Variants in SCO1 observed in about 807,000 individuals in gnomAD.
SCO1 encodes the protein cytochrome c oxidase assembly factor SCO1.
A neutral mutation model predicts 34.0 loss-of-function variants in SCO1; 23 were observed. The observed-to-expected ratio is 0.68, with a 90% CI of 0.49 to 0.96. SCO1 has a LOEUF of 0.96. SCO1 is among the 40% of genes least tolerant of loss of function. The pLI is 0.00. For missense variants in SCO1, 404 were observed against 381.6 expected (o/e 1.06, Z -0.49); for synonymous variants, 161 against 145.5 (o/e 1.11, Z -0.77).
intron 1 of SCO1, among the ~76,000 whole-genome samples, chr17:10,696,681 A>AG (rs2074730084): frequency 1.3e-5 from 2 of 151,512 alleles, no homozygotes; most frequent in Admixed American, 1.3e-4. Context: ...CAACTAGACT[A>AG]GGCCTAACTC....
rs1044179501 is a variant in SCO1, at chr17:10,673,157, C to A, written c.*7962G>T. 1 of 152,222 alleles carries A rather than the reference C, an allele frequency of 6.6e-6. No individual in the cohort carries two copies. Among genetic ancestry groups the A allele is most frequent in the Non-Finnish European group, 1.5e-5 (1 of 68,146 alleles). The allele number at this position is 152,222 out of a possible 1,614,324, so 9.4% of individuals were successfully genotyped here. A position where few individuals can be genotyped will look rare whatever the true frequency, so the allele number is the denominator to read the frequency against. ...TAGCTGGGACTACAGGCGCCCGCCACCACGTCTAGCTGATTTTTGTAATTT... is the reference window on the plus strand; with the variant it reads ...TAGCTGGGACTACAGGCGCCCGCCAACACGTCTAGCTGATTTTTGTAATTT... On this transcript the variant is annotated 3_prime_UTR_variant, in exon 6 of 6. Transcript: ENST00000255390.
At position 10,672,803 on chromosome 17, in the gene SCO1, T is replaced by C. The variant is rs557591898; in HGVS notation, c.*8316A>G. 6.6e-6 allele frequency: 1 copy of C among 152,350 alleles called. No homozygotes were observed. The highest frequency in any genetic ancestry group is 1.9e-4 in the East Asian group (1 of 5,192). The allele number at this position is 152,350 out of a possible 1,614,324, so 9.4% of individuals were successfully genotyped here. On this transcript the variant is annotated 3_prime_UTR_variant, in exon 6 of 6. Coordinates refer to ENST00000255390, the MANE Select transcript of SCO1 (RefSeq NM_004589.4). ...TTCTTCCCCTGGATCTGAGTCATTATTACATTGATTCTATTTATTATAGAT... is the reference window on the plus strand; with the variant it reads ...TTCTTCCCCTGGATCTGAGTCATTACTACATTGATTCTATTTATTATAGAT...
chr17:10,687,187 C>G (rs1242109337), intron 4 of SCO1, among the ~76,000 whole-genome samples: 2 of 152,090 alleles, frequency 1.3e-5, no homozygotes, highest in Non-Finnish European at 2.9e-5. Context: ...AAATTAAATA[C>G]TATAACTTTT....
intron 4 of SCO1, 99 bp from the exon 5 acceptor site, chr17:10,686,941 A>G (rs1305313746): frequency 3.9e-6 from 3 of 770,574 alleles, no homozygotes; most frequent in Non-Finnish European, 7.0e-6. Flanking sequence ...CTCTACTGCC[A>G]CTTTCTTCCT....
intron 4 of SCO1, among the ~76,000 whole-genome samples, chr17:10,688,576 G>C (rs1374333486): frequency 2.0e-5 from 3 of 152,164 alleles, no homozygotes; most frequent in African/African-American, 7.2e-5. Flanking sequence ...TTGGAAAACA[G>C]GTTCTCAGTG....
At position 10,677,498 on chromosome 17, in the gene SCO1, T is replaced by C. The variant is rs1308892868; in HGVS notation, c.*3621A>G. On this transcript the variant is annotated 3_prime_UTR_variant, in exon 6 of 6. Transcript: ENST00000255390. ...ATTATGGATGATTTGAAAATATTAA[T>C]GTCAATTTCTTTTAAACATAAATTT... The C allele has an allele frequency of 6.6e-6, 1 of 152,216 alleles. No homozygotes were observed. The highest frequency in any genetic ancestry group is 1.9e-4 in the East Asian group (1 of 5,200). The allele number at this position is 152,216 out of a possible 1,614,324, so 9.4% of individuals were successfully genotyped here. A position where few individuals can be genotyped will look rare whatever the true frequency, so the allele number is the denominator to read the frequency against.
chr17:10,692,846 T>A lies in SCO1; in HGVS notation c.480A>T (p.Leu160Phe), dbSNP rs776534247. 6.2e-7 allele frequency: 1 copy of A among 1,614,146 alleles called. No individual in the cohort carries two copies. Among genetic ancestry groups the A allele is most frequent in the Non-Finnish European group, 8.5e-7 (1 of 1,179,988 alleles). ...KTDKDYLGQWLLIYFGFTHCP... is the reference protein window; with the variant it reads ...KTDKDYLGQWFLIYFGFTHCP... ...AATGAGTGAAGCCAAAATAAATCAA[T>A]AACCACTGACCCAAGTAGTCCTTGT... The change falls in exon 3 of 6, where the codon TTA becomes TTT. Residue 160 changes from leucine (L) to phenylalanine (F), a missense_variant. Physicochemically the swap from Leu to Phe is conservative, Grantham distance 22 (BLOSUM62 0). Transcript: ENST00000255390.
At position 10,680,797 on chromosome 17, in the gene SCO1, G is replaced by A; in HGVS notation, c.*322C>T. On this transcript the variant is annotated 3_prime_UTR_variant, in exon 6 of 6. Coordinates refer to ENST00000255390, the MANE Select transcript of SCO1 (RefSeq NM_004589.4). ...GGCGGCAAAGCTGCTGGGAGGGCCT[G>A]TTCGCAGGCAGGAATGCACTGGCTG... 2.4e-6 allele frequency: 1 copy of A among 411,852 alleles called. No individual in the cohort carries two copies. The highest frequency in any genetic ancestry group is 4.5e-6 in the Non-Finnish European group (1 of 221,604). The allele number at this position is 411,852 out of a possible 1,614,324, so 25.5% of individuals were successfully genotyped here.
chr17:10,682,372 C>T (rs1226204876), intron 5 of SCO1, among the ~76,000 whole-genome samples: 2 of 152,138 alleles, frequency 1.3e-5, no homozygotes, highest in Admixed American at 6.6e-5. Flanking sequence ...ACCAAAAGAG[C>T]GCCAACAACT....
At chr17:10,691,562 G>A (rs2662944) in intron 4 of SCO1, among the ~76,000 whole-genome samples, 58,027 of 152,132 alleles carry the variant, frequency 0.38, 11,458 homozygotes, top group Non-Finnish European at 0.42. Context: ...GAGTTACAGC[G>A]CTGGAGTTAG....
chr17:10,684,788 A>G (rs752907094), intron 5 of SCO1, among the ~76,000 whole-genome samples: 6 of 152,206 alleles, frequency 3.9e-5, no homozygotes, highest in Non-Finnish European at 8.8e-5. Context: ...CTCTCTATAA[A>G]GACAGAAGTC....
chr17:10,680,816 C>T lies in SCO1; in HGVS notation c.*303G>A. The T allele has an allele frequency of 2.2e-6, 1 of 450,090 alleles. No homozygotes were observed. The highest frequency in any genetic ancestry group is 4.1e-6 in the Non-Finnish European group (1 of 244,970). The allele number at this position is 450,090 out of a possible 1,614,324, so 27.9% of individuals were successfully genotyped here. A position where few individuals can be genotyped will look rare whatever the true frequency, so the allele number is the denominator to read the frequency against. ...GGGCCTGTTCGCAGGCAGGAATGCACTGGCTGTGCCTCGCCCCGCCATGTC... is the reference window on the plus strand; with the variant it reads ...GGGCCTGTTCGCAGGCAGGAATGCATTGGCTGTGCCTCGCCCCGCCATGTC... On this transcript the variant is annotated 3_prime_UTR_variant, in exon 6 of 6. Transcript: ENST00000255390.
rs1218028654 is a variant in SCO1 at position 10,680,581 on chromosome 17, A to G, written c.*538T>C. 6.3e-6 allele frequency: 1 copy of G among 159,790 alleles called. No individual in the cohort carries two copies. Among genetic ancestry groups the G allele is most frequent in the African/African-American group, 2.4e-5 (1 of 41,522 alleles). 9.9% of individuals were successfully genotyped at this position (159,790 alleles called of 1,614,324 possible). On this transcript the variant is annotated 3_prime_UTR_variant, in exon 6 of 6. Transcript: ENST00000255390. ...TCAAATCTGATAGTGATATTCATTA[A>G]TAAGGAAAACTAAAGTTTTCAAGCA...
intron 1 of SCO1, among the ~76,000 whole-genome samples, chr17:10,696,220 G>A (rs1403741402): frequency 6.6e-6 from 1 of 152,064 alleles, no homozygotes; most frequent in Non-Finnish European, 1.5e-5. Context: ...GGAGGCGGGT[G>A]GATCACCTGA....
chr17:10,687,573 C>T (rs550047841), intron 4 of SCO1, among the ~76,000 whole-genome samples: 2 of 152,332 alleles, frequency 1.3e-5, no homozygotes, highest in South Asian at 4.1e-4. Flanking sequence ...ACTCATCATT[C>T]TAAATGAGAC....
intron 4 of SCO1, among the ~76,000 whole-genome samples, chr17:10,688,300 T>C (rs766108023): frequency 8.5e-5 from 13 of 152,126 alleles, no homozygotes; most frequent in Non-Finnish European, 1.0e-4. Flanking sequence ...ATACACATAA[T>C]GTGAAAACAA....
chr17:10,689,954 A>G (rs749408087), intron 4 of SCO1, among the ~76,000 whole-genome samples: 46 of 152,104 alleles, frequency 3.0e-4, no homozygotes, highest in Non-Finnish European at 4.7e-4. Context: ...GGGAAAGGAC[A>G]GTCTCCTCAA....
chr17:10,674,195 ACC>A lies in SCO1; in HGVS notation c.*6922_*6923del, dbSNP rs1338523775. ...TTTGGGAGGCCAAGGCGGGTGGATC[ACC>A]TGAGGTCAGGAGTTCAAGACCAGCC... On this transcript the variant is annotated 3_prime_UTR_variant, in exon 6 of 6. Coordinates refer to ENST00000255390, the MANE Select transcript of SCO1 (RefSeq NM_004589.4). 6.3e-6 allele frequency: 1 copy of A among 157,742 alleles called. No homozygotes were observed. The highest frequency in any genetic ancestry group is 2.4e-5 in the African/African-American group (1 of 41,478). The allele number at this position is 157,742 out of a possible 1,614,324, so 9.8% of individuals were successfully genotyped here. A position where few individuals can be genotyped will look rare whatever the true frequency, so the allele number is the denominator to read the frequency against.
In SCO1 at chr17:10,680,735, C is replaced by T; in HGVS notation, c.*384G>A. ...ATATTCTTTTCTGTGAAATTCAGTC[C>T]CACAGCTATTTGAGCAAGGGCCCAA... On this transcript the variant is annotated 3_prime_UTR_variant, in exon 6 of 6. Transcript: ENST00000255390. The T allele has an allele frequency of 3.5e-6, 1 of 287,202 alleles. No homozygotes were observed. Among genetic ancestry groups the T allele is most frequent in the Non-Finnish European group, 6.7e-6 (1 of 149,054 alleles). The allele number at this position is 287,202 out of a possible 1,614,324, so 17.8% of individuals were successfully genotyped here.
Sources: gnomAD v4.1 joint callset for allele counts (sites outside exome capture counted in the v4.1 genomes callset) on GRCh38, gnomAD v4.1.1 for gene constraint, MANE v1.5 for transcripts, NCBI Gene and HGNC (gene_info 2026-07-23, HGNC 2026-07-21) for gene names.